GOLGA4: variants seen among roughly 807,000 people sequenced by gnomAD.
GOLGA4 encodes golgin A4, also known as golgin subfamily A member 4.
GOLGA4 carries 169 observed loss-of-function variants against 265.9 expected under a neutral mutation model. That is an observed-to-expected ratio of 0.64 (90% CI 0.56 to 0.72). The LOEUF (loss-of-function observed/expected upper bound fraction) is 0.72, where lower values mean the gene tolerates loss of function less well. GOLGA4 is among the 30% of genes least tolerant of loss of function. The probability of loss-of-function intolerance (pLI) is 0.00; values close to 1 mark genes in which losing one functional copy is unlikely to be tolerated. For missense variants in GOLGA4, 2,482 were observed against 2,483.4 expected (o/e 1.00, Z 0.01); for synonymous variants, 923 against 855.8 (o/e 1.08, Z -1.37).
At chr3:37,349,292 T>C (rs2097066279) in intron 21 of GOLGA4, among the ~76,000 whole-genome samples, 2 of 152,116 alleles carry the variant, frequency 1.3e-5, no homozygotes, top group Non-Finnish European at 2.9e-5. Context: ...TTAACCATAA[T>C]GTGATGATGA....
At position 37,325,822 on chromosome 3, in the gene GOLGA4, T is replaced by C. The variant is rs2096968696; in HGVS notation, c.3936T>C (p.Asp1312=). Residue 1312 remains aspartate (D), a synonymous_variant, in exon 14 of 24, where the codon GAT becomes GAC. Coordinates refer to ENST00000361924, the MANE Select transcript of GOLGA4 (RefSeq NM_002078.5). ...ATCAAATTAAGAGCATGAAGGCTGA[T>C]ATTGAAAGTCTTGTAACAGAAAAAG... ...KENQIKSMKA[D]IESLVTEKEA... 3.7e-6 allele frequency: 6 copies of C among 1,613,148 alleles called. No homozygotes were observed. The highest frequency in any genetic ancestry group is 1.3e-5 in the African/African-American group (1 of 75,020).
chr3:37,254,556 T>C (rs114843661), intron 2 of GOLGA4, among the ~76,000 whole-genome samples: 1,596 of 152,190 alleles, frequency 0.01, 24 homozygotes, highest in African/African-American at 0.034. Flanking sequence ...GTCGCCAGGC[T>C]GGAGTTCAGG....
At chr3:37,348,829 G>A (rs546350567) in intron 21 of GOLGA4, among the ~76,000 whole-genome samples, 1 of 152,198 alleles carries the variant, frequency 6.6e-6, no homozygotes, top group Admixed American at 6.5e-5. Flanking sequence ...AGATAGCTAC[G>A]GAGCTTAACT....
chr3:37,353,792 A>G (rs961843019), intron 21 of GOLGA4, among the ~76,000 whole-genome samples: 5 of 152,080 alleles, frequency 3.3e-5, no homozygotes, highest in Admixed American at 6.6e-5. Context: ...GGGTCTCACT[A>G]TGTTTCCCAG....
intron 23 of GOLGA4, among the ~76,000 whole-genome samples, chr3:37,364,375 G>A (rs542362257): frequency 6.6e-6 from 1 of 152,074 alleles, no homozygotes; most frequent in African/African-American, 2.4e-5. Flanking sequence ...TGAGTAGCTG[G>A]GGTTACAGGT....
intron 3 of GOLGA4, 61 bp from the exon 4 acceptor site, chr3:37,285,953 G>A: frequency 3.1e-6 from 3 of 965,724 alleles, no homozygotes; most frequent in East Asian, 2.4e-5. Flanking sequence ...ATTTTTTAGT[G>A]GACTTTAGAA....
chr3:37,276,398 A>G (rs751811053), intron 2 of GOLGA4: 4 of 1,607,824 alleles, frequency 2.5e-6, no homozygotes, highest in African/African-American at 1.3e-5. Flanking sequence ...GCTGAAAGAG[A>G]TGTGGAAAAA....
intron 4 of GOLGA4, among the ~76,000 whole-genome samples, chr3:37,286,372 C>G (rs969877144): frequency 2.0e-5 from 3 of 151,454 alleles, no homozygotes; most frequent in African/African-American, 7.3e-5. Flanking sequence ...CCAGGATGGT[C>G]TCGATCTCCT....
At chr3:37,360,715 C>A (rs1488437358) in intron 22 of GOLGA4, among the ~76,000 whole-genome samples, 1 of 152,080 alleles carries the variant, frequency 6.6e-6, no homozygotes, top group Non-Finnish European at 1.5e-5. Context: ...GTTTGGGTCA[C>A]CATTCCTGAA....
At chr3:37,318,198 CCTT>C (rs1006062275) in intron 11 of GOLGA4, among the ~76,000 whole-genome samples, 11 of 152,114 alleles carry the variant, frequency 7.2e-5, no homozygotes, top group African/African-American at 2.2e-4. Context: ...CCACATTTCT[CCTT>C]CTGATATGCC....
rs757827429 is a variant in GOLGA4, at chr3:37,282,063, A to G, written c.268A>G (p.Lys90Glu). The change falls in exon 3 of 24, where the codon AAA (lysine) becomes GAA (glutamate). Residue 90 changes from lysine (K) to glutamate (E), a missense_variant. This residue lies in a region of GOLGA4 where 1,536 missense variants were observed against 1,483.7 expected (regional missense o/e 1.04). Coordinates refer to ENST00000361924, the MANE Select transcript of GOLGA4 (RefSeq NM_002078.5). ...GGAATCTCTATTCCGGTCTTCTTCTAAAGAGTCTTTGGTACGAACATCTTC... is the reference window on the plus strand; with the variant it reads ...GGAATCTCTATTCCGGTCTTCTTCTGAAGAGTCTTTGGTACGAACATCTTC... Reference protein sequence around the residue: ...IKESLFRSSSKESLVRTSSRE... With the variant: ...IKESLFRSSSEESLVRTSSRE... The G allele has an allele frequency of 5.0e-6, 8 of 1,613,920 alleles. No homozygotes were observed. The highest frequency in any genetic ancestry group is 2.7e-5 in the African/African-American group (2 of 74,906).
Position 37,253,775 on chromosome 3 carries a change from C to T in GOLGA4, c.162+2291C>T, listed in dbSNP as rs999620287. Among the ~76,000 whole-genome samples the T allele has an allele frequency of 2.6e-5, 4 of 151,972 alleles. No individual in the cohort carries two copies. The South Asian group carries it at 8.3e-4, about 32-fold the overall frequency. On this transcript the variant is annotated intron_variant, in intron 2 of 23. Coordinates refer to ENST00000361924, the MANE Select transcript of GOLGA4 (RefSeq NM_002078.5). ...TGGTGGCTCACGCCTGTAATCCCAG[C>T]ACTTTGGGAGGCCGAGGTGGGCAGA...
At chr3:37,289,418 A>G (rs2096859151) in intron 5 of GOLGA4, 127 bp downstream of exon 5, 2 of 574,186 alleles carry the variant, frequency 3.5e-6, no homozygotes, top group African/African-American at 3.8e-5. Flanking sequence ...AGTCCAGCCT[A>G]CAAGACCAGG....
Position 37,325,184 on chromosome 3 carries a change from G to A in GOLGA4, c.3298G>A (p.Glu1100Lys). ...MNKEITWLKE[E>K]GVKQDTTLNE... ...CAAGGAAATAACATGGCTGAAGGAA[G>A]AAGGTGTTAAGCAGGATACAACATT... is the stretch of plus-strand genomic sequence containing the variant. Residue 1100 changes from glutamate (E) to lysine (K), a missense_variant, in exon 14 of 24, where the codon GAA (glutamate) becomes AAA (lysine). Coordinates refer to ENST00000361924, the MANE Select transcript of GOLGA4 (RefSeq NM_002078.5). The A allele has an allele frequency of 6.2e-7, 1 of 1,613,724 alleles. No individual in the cohort carries two copies. The highest frequency in any genetic ancestry group is 8.5e-7 in the Non-Finnish European group (1 of 1,179,764).
At position 37,258,036 on chromosome 3, in the gene GOLGA4, TATATACATAC is replaced by T. The variant is rs1318123995; in HGVS notation, c.162+6558_162+6567del. The stretch of plus-strand genomic sequence containing the variant: ...ATATATATATGTATGTATATATGTA[TATATACATAC>T]ATATATATATGTATGTATATATGTA... On this transcript the variant is annotated intron_variant, in intron 2 of 23. Coordinates refer to ENST00000361924, the MANE Select transcript of GOLGA4 (RefSeq NM_002078.5). Among the ~76,000 whole-genome samples, 19 of 69,776 alleles carry T rather than the reference TATATACATAC, an allele frequency of 2.7e-4. 2 individuals are homozygous for T. The highest frequency in any genetic ancestry group is 1.1e-3 in the African/African-American group (18 of 16,056). The allele number at this position is 69,776 out of a possible 152,430, so 45.8% of individuals were successfully genotyped here. A position where few individuals can be genotyped will look rare whatever the true frequency, so the allele number is the denominator to read the frequency against.
intron 7 of GOLGA4, among the ~76,000 whole-genome samples, chr3:37,296,674 G>A (rs549539258): frequency 5.3e-5 from 8 of 152,178 alleles, no homozygotes; most frequent in African/African-American, 4.8e-5. Flanking sequence ...GGGTTCAAGC[G>A]ATTCTCCTGC....
intron 23 of GOLGA4, among the ~76,000 whole-genome samples, chr3:37,362,225 ATTTATTTATTTATTAT>A (rs1559479414): frequency 1.8e-4 from 14 of 76,808 alleles, no homozygotes; most frequent in Middle Eastern, 6.8e-3. Context: ...TTATTTATTT[ATTTATTTATTTATTAT>A]TTTTTTTTTT....
intron 20 of GOLGA4, among the ~76,000 whole-genome samples, chr3:37,344,303 T>C (rs945446944): frequency 5.3e-5 from 8 of 152,176 alleles, no homozygotes; most frequent in Non-Finnish European, 8.8e-5. Flanking sequence ...GGTTTCGCCA[T>C]GTTGGCCAGG....
chr3:37,318,828 T>C (rs1018605184), intron 11 of GOLGA4, among the ~76,000 whole-genome samples: 5 of 152,322 alleles, frequency 3.3e-5, no homozygotes, highest in African/African-American at 1.2e-4. Context: ...AAATGGAGTC[T>C]ATTGTAGCAG....
Sources: allele counts gnomAD v4.1 joint callset (sites outside exome capture counted in the v4.1 genomes callset), GRCh38; gene constraint gnomAD v4.1.1; regional missense constraint gnomAD v4.1.1; transcripts MANE v1.5; gene names NCBI Gene and HGNC (gene_info 2026-07-23, HGNC 2026-07-21).